CAGE1: variants seen among roughly 807,000 people sequenced by gnomAD.
CAGE1 encodes the protein cancer antigen 1, also known as cancer-associated gene 1 protein.
In CAGE1, 66 loss-of-function variants were observed where a neutral mutation model predicts 94.9. The observed-to-expected ratio is 0.70, with a 90% confidence interval of 0.57 to 0.85. The LOEUF is 0.85. Among genes scored for constraint, CAGE1 ranks in the 40% least tolerant of loss-of-function variants. CAGE1 has a pLI of 0.00. For synonymous variants in CAGE1, 319 were observed against 321.0 expected (o/e 0.99, Z 0.07); for missense variants, 865 against 950.4 (o/e 0.91, Z 1.18).
At chr6:7,377,672 G>A (rs1760801469) in intron 4 of CAGE1, among the ~76,000 whole-genome samples, 1 of 152,236 alleles carries the variant, frequency 6.6e-6, no homozygotes, top group South Asian at 2.1e-4. Context: ...AGGAAGCAGG[G>A]GTTGCGGTGA....
chr6:7,380,636 C>CAA (rs34895462), intron 3 of CAGE1, among the ~76,000 whole-genome samples: 2 of 129,446 alleles, frequency 1.5e-5, no homozygotes, highest in Admixed American at 8.0e-5. Flanking sequence ...GACTCCATCT[C>CAA]AAAAAAAAAA....
rs1183582901 is a variant in CAGE1, at chr6:7,373,875, G to C, written c.944C>G (p.Thr315Ser). 3 of 1,613,874 alleles carry C rather than the reference G, an allele frequency of 1.9e-6. No homozygotes were observed. The Admixed American group carries it at 5.0e-5, about 27-fold the overall frequency. Residue 315 changes from threonine (T) to serine (S), a missense_variant, in exon 5 of 14, where the codon ACT becomes AGT. Coordinates refer to ENST00000502583, the MANE Select transcript of CAGE1 (RefSeq NM_001170692.2). ...GATTCGCACTTCCTGCTTTCTGTTA[G>C]TATGTTTTAATTTCTGCAAGACTTC... Reference protein sequence around the residue: ...LNEVLQKLKHTNRKQEVRIQE... With the variant: ...LNEVLQKLKHSNRKQEVRIQE...
rs1759583638 is a variant in CAGE1, at chr6:7,347,303, T to A, written c.2369+7738A>T. The A allele has an allele frequency of 1.3e-5, 2 of 152,122 alleles. 1 individual carries two copies. The highest frequency in any genetic ancestry group is 4.8e-5 in the African/African-American group (2 of 41,422). The allele number at this position is 152,122 out of a possible 1,614,324, so 9.4% of individuals were successfully genotyped here. On this transcript the variant is annotated intron_variant, in intron 11 of 13. Coordinates refer to ENST00000502583, the MANE Select transcript of CAGE1 (RefSeq NM_001170692.2). ...CTGCAGAAGTGGGAAAGGGAGACCC[T>A]CTGCTCCCAAACACAAACCCCAACT...
In CAGE1 at chr6:7,334,104, C is replaced by A. The variant is rs1561846427; in HGVS notation, c.2370-14G>T. 11 of 1,475,596 alleles carry A rather than the reference C, an allele frequency of 7.5e-6. No homozygotes were observed. In the Admixed American group the frequency reaches 8.2e-5, roughly 11 times the overall value. The allele number at this position is 1,475,596 out of a possible 1,614,324, so 91.4% of individuals were successfully genotyped here. A position where few individuals can be genotyped will look rare whatever the true frequency, so the allele number is the denominator to read the frequency against. On this transcript the variant is annotated splice_polypyrimidine_tract_variant and intron_variant, in intron 11 of 13. Transcript: ENST00000502583. ...CTCTCTTCCAAACTGAAAGAAGAAA[C>A]AATTGAATTTTATGACTAAAATGGA... is the stretch of plus-strand genomic sequence containing the variant.
intron 11 of CAGE1, among the ~76,000 whole-genome samples, chr6:7,335,491 C>T (rs1758923347): frequency 6.6e-6 from 1 of 152,234 alleles, no homozygotes; most frequent in South Asian, 2.1e-4. Flanking sequence ...TAGGCCCTGC[C>T]TAAAAGAAGT....
chr6:7,380,306 T>C (rs1760887113), intron 3 of CAGE1, among the ~76,000 whole-genome samples: 1 of 152,138 alleles, frequency 6.6e-6, no homozygotes. Flanking sequence ...TTATGTGCTT[T>C]TATATTTTAC....
intron 11 of CAGE1, chr6:7,341,564 C>A: frequency 8.5e-7 from 1 of 1,171,490 alleles, no homozygotes. Context: ...TTTTTCCTCT[C>A]AGGCCTAGCT....
At chr6:7,337,498 C>G (rs1331766720) in intron 11 of CAGE1, among the ~76,000 whole-genome samples, 2 of 152,032 alleles carry the variant, frequency 1.3e-5, no homozygotes, top group Admixed American at 6.6e-5. Flanking sequence ...ATGGTTTTAG[C>G]CTTTATCTTT....
chr6:7,341,822 G>A (rs987760560), intron 11 of CAGE1: 21 of 677,888 alleles, frequency 3.1e-5, no homozygotes, highest in Admixed American at 1.1e-4. Context: ...GGATCAAGTC[G>A]GGCAGGTGCC....
intron 5 of CAGE1, among the ~76,000 whole-genome samples, chr6:7,371,780 CTG>C (rs1760546343): frequency 6.6e-6 from 1 of 152,042 alleles, no homozygotes; most frequent in African/African-American, 2.4e-5. Context: ...GAGCGAGACT[CTG>C]TCTTAATAGA....
chr6:7,383,086 T>A (rs888665571), intron 3 of CAGE1, among the ~76,000 whole-genome samples: 3 of 61,512 alleles, frequency 4.9e-5, no homozygotes, highest in African/African-American at 1.9e-4. Context: ...CTTGCGATAG[T>A]TGAGTTCTCA....
At chr6:7,359,691 A>G (rs1474141142) in intron 9 of CAGE1, among the ~76,000 whole-genome samples, 1 of 152,202 alleles carries the variant, frequency 6.6e-6, no homozygotes, top group East Asian at 1.9e-4. Flanking sequence ...CTCAGTCATG[A>G]GCCCTCCAAA....
intron 11 of CAGE1, among the ~76,000 whole-genome samples, chr6:7,350,239 A>C (rs1581673567): frequency 6.6e-6 from 1 of 152,180 alleles, no homozygotes; most frequent in Non-Finnish European, 1.5e-5. Flanking sequence ...CTAACACTGG[A>C]GCTCCCAAAT....
At chr6:7,341,664 C>A in intron 11 of CAGE1, 1 of 728,446 alleles carries the variant, frequency 1.4e-6, no homozygotes. Flanking sequence ...GGACAGGAAT[C>A]AACTCAACCT....
At chr6:7,386,535 C>T (rs1207384957) in intron 2 of CAGE1, among the ~76,000 whole-genome samples, 1 of 152,094 alleles carries the variant, frequency 6.6e-6, no homozygotes, top group African/African-American at 2.4e-5. Flanking sequence ...CTTGTCCTGC[C>T]TCTGACTGAA....
At chr6:7,379,197 T>G (rs892566804) in intron 3 of CAGE1, among the ~76,000 whole-genome samples, 177 bp from the exon 4 acceptor site, 3 of 152,200 alleles carry the variant, frequency 2.0e-5, no homozygotes, top group African/African-American at 7.2e-5. Flanking sequence ...AAAACAAAAC[T>G]TTTTACATGG....
At chr6:7,359,583 G>C (rs1018574172) in intron 9 of CAGE1, among the ~76,000 whole-genome samples, 1 of 152,184 alleles carries the variant, frequency 6.6e-6, no homozygotes, top group South Asian at 2.1e-4. Flanking sequence ...TAGCAGAGGA[G>C]GAAGTCCTTT....
At chr6:7,380,985 A>G (rs6912635) in intron 3 of CAGE1, among the ~76,000 whole-genome samples, 134,281 of 152,216 alleles carry the variant, frequency 0.88, 59,857 homozygotes, top group Middle Eastern at 0.97. Context: ...TGCTCTACAC[A>G]TCTCTCCAAA....
At position 7,358,025 on chromosome 6, in the gene CAGE1, G is replaced by GAAATATATATAT. The variant is rs1491488344; in HGVS notation, c.2194-1897_2194-1896insATATATATATTT. 3.6e-3 allele frequency among the ~76,000 whole-genome samples: 73 copies of GAAATATATATAT among 20,270 alleles called. 5 individuals are homozygous for GAAATATATATAT. Among genetic ancestry groups the GAAATATATATAT allele is most frequent in the East Asian group, 5.9e-3 (2 of 338 alleles). The allele number at this position is 20,270 out of a possible 152,430, so 13.3% of individuals were successfully genotyped here. A position where few individuals can be genotyped will look rare whatever the true frequency, so the allele number is the denominator to read the frequency against. On this transcript the variant is annotated intron_variant, in intron 9 of 13. Coordinates refer to ENST00000502583, the MANE Select transcript of CAGE1 (RefSeq NM_001170692.2). ...GCCAGACTGCGGTTAGGTAAGTTTTGAGATATATATATATATATATATATA... is the reference window on the plus strand; with the variant it reads ...GCCAGACTGCGGTTAGGTAAGTTTTGAAATATATATATAGATATATATATATATATATATATA...
Sources: allele counts gnomAD v4.1 joint callset (sites outside exome capture counted in the v4.1 genomes callset), GRCh38; gene constraint gnomAD v4.1.1; transcripts MANE v1.5; gene names NCBI Gene and HGNC (gene_info 2026-07-23, HGNC 2026-07-21).